The following MMS22L variants were observed in gnomAD, a reference collection of about 807,000 sequenced individuals.
The protein encoded by MMS22L is MMS22 like, DNA repair protein.
In MMS22L, 74 loss-of-function variants were observed where a neutral mutation model predicts 159.1. The ratio of observed to expected loss-of-function variants is 0.47; its 90% confidence interval spans 0.39 to 0.56. The LOEUF is 0.56. Ranked by LOEUF, MMS22L falls within the 20% of genes least tolerant of loss-of-function variation. The pLI, the probability that MMS22L is intolerant of heterozygous loss-of-function variation, is 0.00. For synonymous variants in MMS22L, 517 were observed against 506.9 expected (o/e 1.02, Z -0.27); for missense variants, 1,351 against 1,422.1 (o/e 0.95, Z 0.80).
chr6:97,229,524 T>C (rs1444649707), intron 13 of MMS22L, 121 bp from the exon 14 acceptor site: 2 of 709,124 alleles, frequency 2.8e-6, no homozygotes, highest in Non-Finnish European at 4.4e-6. Flanking sequence ...TAATTCTTTA[T>C]TTTGATGCTG....
intron 14 of MMS22L, among the ~76,000 whole-genome samples, chr6:97,195,934 T>C (rs1279488797): frequency 6.6e-6 from 1 of 152,192 alleles, no homozygotes; most frequent in Non-Finnish European, 1.5e-5. Context: ...GAGCAGCCTG[T>C]CATTGCCAAA....
intron 14 of MMS22L, among the ~76,000 whole-genome samples, chr6:97,200,872 A>T (rs9481385): frequency 6.6e-6 from 1 of 152,142 alleles, no homozygotes; most frequent in Non-Finnish European, 1.5e-5. Flanking sequence ...TTACTTTCAA[A>T]TAAGACAAAG....
At chr6:97,257,302 T>C (rs1813922769) in intron 9 of MMS22L, among the ~76,000 whole-genome samples, 1 of 152,236 alleles carries the variant, frequency 6.6e-6, no homozygotes, top group Non-Finnish European at 1.5e-5. Context: ...ACTATACCAT[T>C]ATGCAGCAAT....
At chr6:97,185,117 T>G (rs571726385) in intron 15 of MMS22L, among the ~76,000 whole-genome samples, 26 of 152,238 alleles carry the variant, frequency 1.7e-4, no homozygotes, top group African/African-American at 6.3e-4. Flanking sequence ...GACCACTCTA[T>G]TTAAAATCAC....
intron 6 of MMS22L, chr6:97,270,271 G>A (rs1418999571): frequency 3.6e-6 from 2 of 554,480 alleles, no homozygotes; most frequent in Non-Finnish European, 6.9e-6. Context: ...ACCAACCTCT[G>A]ATTCTACTAC....
At chr6:97,149,754 C>T (rs1266294982) in intron 24 of MMS22L, 99 bp downstream of exon 24, 3 of 1,239,490 alleles carry the variant, frequency 2.4e-6, no homozygotes, top group African/African-American at 1.5e-5. Context: ...AAGAACATAC[C>T]CAAATTTTGG....
intron 14 of MMS22L, among the ~76,000 whole-genome samples, chr6:97,212,599 T>C (rs980933747): frequency 2.0e-5 from 3 of 152,202 alleles, no homozygotes; most frequent in African/African-American, 7.2e-5. Context: ...AGCTCTTCAA[T>C]ACGTATCATT....
chr6:97,155,036 C>T (rs1335658496), intron 22 of MMS22L, among the ~76,000 whole-genome samples: 3 of 152,024 alleles, frequency 2.0e-5, no homozygotes, highest in Non-Finnish European at 4.4e-5. Flanking sequence ...CTATCTTTTC[C>T]CATCCTTTTA....
chr6:97,155,354 T>G (rs1354970614), intron 22 of MMS22L, among the ~76,000 whole-genome samples: 1 of 152,174 alleles, frequency 6.6e-6, no homozygotes, highest in African/African-American at 2.4e-5. Context: ...GGGGTACATG[T>G]GCACAACGTG....
intron 10 of MMS22L, among the ~76,000 whole-genome samples, chr6:97,247,587 C>T (rs1055756100): frequency 6.6e-6 from 1 of 151,892 alleles, no homozygotes; most frequent in Admixed American, 6.6e-5. Context: ...GGCATGGTGG[C>T]GGGTGCCTGT....
intron 10 of MMS22L, among the ~76,000 whole-genome samples, chr6:97,248,294 G>A (rs1456084358): frequency 1.3e-5 from 2 of 152,166 alleles, no homozygotes; most frequent in African/African-American, 4.8e-5. Context: ...AGATACTGAA[G>A]CCCTGGCTGA....
rs1168233371 is a variant in MMS22L at position 97,186,597 on chromosome 6, A to C, written c.2133T>G (p.Ala711=). The stretch of plus-strand genomic sequence containing the variant: ...GTCTCCACAGTGCACTGGCAACTGC[A>C]GCAAGGTGGCGCTCTTTAGCCGATA... ...SSLSAKERHL[A]AVASALWRHF... is the part of the protein sequence containing the mutation. Residue 711 remains alanine (A), a synonymous_variant, in exon 15 of 25, where the codon GCT becomes GCG. Coordinates refer to ENST00000683635, the MANE Select transcript of MMS22L (RefSeq NM_001350599.2). 1 of 1,612,402 alleles carries C rather than the reference A, an allele frequency of 6.2e-7. No individual in the cohort carries two copies. The highest frequency in any genetic ancestry group is 1.7e-5 in the Admixed American group (1 of 59,542).
intron 14 of MMS22L, among the ~76,000 whole-genome samples, chr6:97,203,278 G>C (rs867378023): frequency 1.3e-5 from 2 of 151,952 alleles, no homozygotes; most frequent in Middle Eastern, 3.2e-3. Context: ...TTAACCTTTT[G>C]CTCACAACAG....
chr6:97,175,223 T>A (rs755909315), intron 18 of MMS22L, among the ~76,000 whole-genome samples: 22 of 152,176 alleles, frequency 1.4e-4, no homozygotes, highest in South Asian at 2.1e-4. Flanking sequence ...GTGAGAAAAG[T>A]AGTATTTTTT....
intron 16 of MMS22L, among the ~76,000 whole-genome samples, chr6:97,181,452 T>C (rs1275580949): frequency 3.3e-5 from 5 of 152,150 alleles, no homozygotes; most frequent in Non-Finnish European, 7.4e-5. Context: ...TTGTTCATGA[T>C]CTCATGAGTT....
intron 14 of MMS22L, 45 bp downstream of exon 14, chr6:97,228,849 T>TTA (rs1423110411): frequency 6.6e-7 from 1 of 1,517,708 alleles, no homozygotes; most frequent in African/African-American, 1.4e-5. Context: ...ACATAAGTAA[T>TTA]TATATAAAAC....
At chr6:97,272,289 T>A (rs756235643) in intron 6 of MMS22L, 1 of 153,762 alleles carries the variant, frequency 6.5e-6, no homozygotes, top group Non-Finnish European at 1.4e-5. Flanking sequence ...AATGATGTGG[T>A]CTTGAAAGTT....
At chr6:97,216,986 C>T (rs1809083973) in intron 14 of MMS22L, among the ~76,000 whole-genome samples, 1 of 151,992 alleles carries the variant, frequency 6.6e-6, no homozygotes, top group Non-Finnish European at 1.5e-5. Flanking sequence ...TTTATTTTTT[C>T]CTTCTCCTTT....
At chr6:97,252,728 A>ACT (rs1813377609) in intron 10 of MMS22L, among the ~76,000 whole-genome samples, 1 of 152,068 alleles carries the variant, frequency 6.6e-6, no homozygotes, top group Admixed American at 6.6e-5. Context: ...CACAACAGAA[A>ACT]CTCAGAAACA....
Sources: allele counts gnomAD v4.1 joint callset (sites outside exome capture counted in the v4.1 genomes callset), GRCh38; gene constraint gnomAD v4.1.1; transcripts MANE v1.5; gene names NCBI Gene and HGNC (gene_info 2026-07-23, HGNC 2026-07-21).